The following BIRC6 variants were observed in gnomAD, a reference collection of about 807,000 sequenced individuals.
The protein encoded by BIRC6 is baculoviral IAP repeat containing 6.
In BIRC6, 98 loss-of-function variants were observed where a neutral mutation model predicts 503.3. That is an observed-to-expected ratio of 0.19 (90% CI 0.17 to 0.23). BIRC6 has a LOEUF of 0.23. Ranked by LOEUF, BIRC6 falls within the 10% of genes least tolerant of loss-of-function variation. BIRC6 has a pLI of 1.00. For missense variants in BIRC6, 5,360 were observed against 5,806.0 expected (o/e 0.92, Z 2.50); for synonymous variants, 2,240 against 2,078.7 (o/e 1.08, Z -2.11).
chr2:32,452,225 GA>G (rs2046803538), intron 22 of BIRC6, among the ~76,000 whole-genome samples: 1 of 152,152 alleles, frequency 6.6e-6, no homozygotes, highest in Admixed American at 6.5e-5. Context: ...GCAGGTAGGA[GA>G]ATCCAAGTAT....
intron 66 of BIRC6, among the ~76,000 whole-genome samples, chr2:32,581,675 C>T (rs1458767893): frequency 6.6e-6 from 1 of 152,022 alleles, no homozygotes; most frequent in East Asian, 1.9e-4. Flanking sequence ...CTTATTAATC[C>T]TTGAAATATA....
chr2:32,504,655 A>G (rs532518332), intron 49 of BIRC6, among the ~76,000 whole-genome samples: 1 of 152,216 alleles, frequency 6.6e-6, no homozygotes, highest in South Asian at 2.1e-4. Context: ...CGACAGAGCG[A>G]GACTCCATCT....
intron 10 of BIRC6, among the ~76,000 whole-genome samples, chr2:32,426,512 G>A (rs556839916): frequency 4.6e-5 from 7 of 152,358 alleles, no homozygotes; most frequent in African/African-American, 1.7e-4. Flanking sequence ...CTGAGGCAGG[G>A]AGAATCACTT....
At chr2:32,611,640 A>C in intron 73 of BIRC6, 58 bp downstream of exon 73, 1 of 1,415,034 alleles carries the variant, frequency 7.1e-7, no homozygotes, top group Non-Finnish European at 9.4e-7. Context: ...AATTATTGAC[A>C]GAACCATGCC....
At chr2:32,569,236 ACCT>A (rs1208293444) in intron 65 of BIRC6, among the ~76,000 whole-genome samples, 3 of 151,662 alleles carry the variant, frequency 2.0e-5, no homozygotes, top group Non-Finnish European at 4.4e-5. Flanking sequence ...TGATCTCCCC[ACCT>A]CAGCCTCCCA....
At chr2:32,453,318 A>G (rs988086695) in intron 22 of BIRC6, among the ~76,000 whole-genome samples, 2 of 152,178 alleles carry the variant, frequency 1.3e-5, no homozygotes, top group African/African-American at 4.8e-5. Flanking sequence ...TACAAGAAAC[A>G]ATGTGTAGAT....
chr2:32,471,379 C>A (rs2049080832), intron 32 of BIRC6, among the ~76,000 whole-genome samples: 2 of 152,182 alleles, frequency 1.3e-5, no homozygotes, highest in Non-Finnish European at 2.9e-5. Flanking sequence ...ATGACTTTTG[C>A]AAGGTGTCTT....
chr2:32,580,197 G>A (rs1377323392), intron 66 of BIRC6, among the ~76,000 whole-genome samples: 2 of 151,958 alleles, frequency 1.3e-5, no homozygotes, highest in Non-Finnish European at 1.5e-5. Context: ...CAGGTAATCC[G>A]CCCGCCTCAG....
At chr2:32,473,746 TGTGTA>T (rs1445936498) in intron 33 of BIRC6, among the ~76,000 whole-genome samples, 64 of 136,164 alleles carry the variant, frequency 4.7e-4, no homozygotes, top group Non-Finnish European at 6.4e-4. Flanking sequence ...TGTGTGTGTG[TGTGTA>T]TTTTTTTTTT....
In BIRC6 at chr2:32,375,462, C is replaced by T. The variant is rs571901741; in HGVS notation, c.326-2126C>T. Reference sequence around the variant, plus strand: ...CCAGGCGTTGCCCTGGGCAACGTAACGAGACCCTGTCTCTAAAAAAACAAA... The same window carrying T: ...CCAGGCGTTGCCCTGGGCAACGTAATGAGACCCTGTCTCTAAAAAAACAAA... On this transcript the variant is annotated intron_variant, in intron 1 of 73. Coordinates refer to ENST00000421745, the MANE Select transcript of BIRC6 (RefSeq NM_016252.4). 7.9e-5 allele frequency among the ~76,000 whole-genome samples: 12 copies of T among 152,038 alleles called. No individual in the cohort carries two copies. In the South Asian group the frequency reaches 2.1e-3, roughly 26 times the overall value.
intron 39 of BIRC6, among the ~76,000 whole-genome samples, chr2:32,483,341 A>G (rs571289139): frequency 3.3e-5 from 5 of 152,334 alleles, no homozygotes; most frequent in African/African-American, 1.2e-4. Context: ...AATTTGAAAC[A>G]CACATTTACC....
In BIRC6 at chr2:32,497,438, T is replaced by C. The variant is rs1215354362; in HGVS notation, c.8469-2109T>C. 1.4e-4 allele frequency among the ~76,000 whole-genome samples: 21 copies of C among 152,256 alleles called. 1 individual carries two copies. The highest frequency in any genetic ancestry group is 4.4e-5 in the Non-Finnish European group (3 of 68,038). On this transcript the variant is annotated intron_variant, in intron 45 of 73. Coordinates refer to ENST00000421745, the MANE Select transcript of BIRC6 (RefSeq NM_016252.4). ...TTATTCTGAAAGAGGTTGTGTAATA[T>C]GTGTATTGTCACTTACTTAAGTATT...
chr2:32,548,145 A>G (rs900884727), intron 64 of BIRC6, 131 bp downstream of exon 64: 2 of 699,116 alleles, frequency 2.9e-6, no homozygotes, highest in African/African-American at 1.8e-5. Context: ...TTCCCAGTGC[A>G]TTCTAAGATA....
At chr2:32,580,932 A>C (rs564372478) in intron 66 of BIRC6, among the ~76,000 whole-genome samples, 2 of 152,272 alleles carry the variant, frequency 1.3e-5, no homozygotes, top group African/African-American at 2.4e-5. Context: ...ATCTCTAGGG[A>C]TCTCCTTCAA....
At chr2:32,580,542 T>C (rs1310723592) in intron 66 of BIRC6, among the ~76,000 whole-genome samples, 2 of 152,194 alleles carry the variant, frequency 1.3e-5, no homozygotes, top group African/African-American at 2.4e-5. Flanking sequence ...AATCAGGGGC[T>C]AGAAGATAAA....
At chr2:32,393,136 T>C (rs1046609751) in intron 5 of BIRC6, among the ~76,000 whole-genome samples, 1 of 151,812 alleles carries the variant, frequency 6.6e-6, no homozygotes, top group Non-Finnish European at 1.5e-5. Context: ...ATTACCCATA[T>C]ACTAGATAAC....
At chr2:32,516,386 T>C (rs967859111) in intron 55 of BIRC6, among the ~76,000 whole-genome samples, 6 of 151,568 alleles carry the variant, frequency 4.0e-5, no homozygotes, top group Non-Finnish European at 5.9e-5. Context: ...TGTGGTGGCA[T>C]GTGCCTGGAA....
At chr2:32,486,110 A>AT (rs1262665618) in intron 40 of BIRC6, among the ~76,000 whole-genome samples, 1 of 152,172 alleles carries the variant, frequency 6.6e-6, no homozygotes, top group Non-Finnish European at 1.5e-5. Flanking sequence ...GATGAAGTAG[A>AT]TTTTTTGTAG....
rs1267174503 is a variant in BIRC6 at position 32,505,203 on chromosome 2, C to G, written c.9698C>G (p.Ala3233Gly). Residue 3233 changes from alanine (A) to glycine (G), a missense_variant and splice_region_variant, in exon 50 of 74, where the codon GCA becomes GGA. Physicochemically the swap from Ala to Gly is moderately conservative, Grantham distance 60. This residue lies in a region of BIRC6 where 267 missense variants were observed against 287.6 expected (regional missense o/e 0.93). Coordinates refer to ENST00000421745, the MANE Select transcript of BIRC6 (RefSeq NM_016252.4). ...IHIQPHLASL[A>G]TCPSSVSVEV... ...ATCCAGCCTCATCTTGCATCTCTTG[C>G]AAGTGAGTAATATTTTATAAAGAAG... The G allele has an allele frequency of 3.2e-6, 5 of 1,555,002 alleles. No homozygotes were observed. The highest frequency in any genetic ancestry group is 4.4e-6 in the Non-Finnish European group (5 of 1,146,166).
Sources: gnomAD v4.1 joint callset for allele counts (sites outside exome capture counted in the v4.1 genomes callset) on GRCh38, gnomAD v4.1.1 for gene constraint, gnomAD v4.1.1 regional missense constraint, MANE v1.5 for transcripts, NCBI Gene and HGNC (gene_info 2026-07-23, HGNC 2026-07-21) for gene names.